Variants in FDCSP observed in about 807,000 individuals in gnomAD.
The protein encoded by FDCSP is follicular dendritic cell secreted peptide.
Under a neutral mutation model 8.9 loss-of-function variants are expected in FDCSP, and 8 were observed. The observed-to-expected ratio is 0.90, with a 90% CI of 0.53 to 1.63. The LOEUF is 1.63. Among genes scored for constraint, FDCSP ranks in the 40% most tolerant of loss-of-function variants. The probability of loss-of-function intolerance (pLI) is 0.00; values close to 1 mark genes in which losing one functional copy is unlikely to be tolerated. For synonymous variants in FDCSP, 34 were observed against 34.5 expected (o/e 0.98, Z 0.06); for missense variants, 101 against 103.6 (o/e 0.98, Z 0.11).
chr4:70,231,488 AT>A (rs1322041009), intron 2 of FDCSP, among the ~76,000 whole-genome samples: 60 of 151,476 alleles, frequency 4.0e-4, no homozygotes, highest in African/African-American at 1.1e-3. Flanking sequence ...ATAAAAAAAA[AT>A]ATATATATAA....
chr4:70,227,196 T>C (rs1730001078), intron 1 of FDCSP, among the ~76,000 whole-genome samples: 1 of 151,756 alleles, frequency 6.6e-6, no homozygotes, highest in African/African-American at 2.4e-5. Flanking sequence ...TATGTATATG[T>C]ATGTGTGTGT....
chr4:70,232,180 C>T (rs1024054267), intron 2 of FDCSP, among the ~76,000 whole-genome samples: 9 of 151,526 alleles, frequency 5.9e-5, no homozygotes, highest in Non-Finnish European at 1.2e-4. Context: ...CAGGAGTAAA[C>T]AGTAATGTCC....
At chr4:70,232,637 T>C (rs1730104878) in intron 2 of FDCSP, among the ~76,000 whole-genome samples, 1 of 151,626 alleles carries the variant, frequency 6.6e-6, no homozygotes, top group African/African-American at 2.4e-5. Flanking sequence ...TAAGGGTTTT[T>C]TTCTCCTTCA....
At chr4:70,232,726 C>A (rs1201021707) in intron 2 of FDCSP, among the ~76,000 whole-genome samples, 2 of 151,564 alleles carry the variant, frequency 1.3e-5, no homozygotes, top group African/African-American at 4.8e-5. Flanking sequence ...TTTATCATTA[C>A]AGTCCAGAAA....
intron 1 of FDCSP, among the ~76,000 whole-genome samples, chr4:70,228,468 A>G (rs1730024325): frequency 6.6e-6 from 1 of 151,868 alleles, no homozygotes; most frequent in African/African-American, 2.4e-5. Context: ...AACTTCTCCC[A>G]AACTCCTGTA....
chr4:70,233,717 A>G (rs1730126174), intron 3 of FDCSP, among the ~76,000 whole-genome samples: 1 of 151,660 alleles, frequency 6.6e-6, no homozygotes, highest in Non-Finnish European at 1.5e-5. Context: ...CATGAAGACA[A>G]AGGGAGAAAT....
chr4:70,233,139 G>A (rs758380681), intron 3 of FDCSP, 113 bp downstream of exon 3: 2 of 934,542 alleles, frequency 2.1e-6, no homozygotes, highest in Non-Finnish European at 3.2e-6. Context: ...GATTCATAAA[G>A]AGCTTTTGGT....
Position 70,234,216 on chromosome 4 carries a change from G to C in FDCSP, c.*28+1G>C. 6.3e-7 allele frequency: 1 copy of C among 1,590,798 alleles called. No individual in the cohort carries two copies. The highest frequency in any genetic ancestry group is 8.6e-7 in the Non-Finnish European group (1 of 1,166,012). On this transcript the variant is annotated splice_donor_variant, in intron 4 of 4. Transcript: ENST00000317987. LOFTEE classifies it low-confidence loss of function (3UTR_SPLICE). ...AGAAGGAAAAGTCACGATAAACCTG[G>C]TAAGTACACATAGTTACAATCATAG...
intron 2 of FDCSP, among the ~76,000 whole-genome samples, chr4:70,231,474 C>A (rs1293522181): frequency 6.6e-6 from 1 of 151,380 alleles, no homozygotes; most frequent in Non-Finnish European, 1.5e-5. Context: ...GCAATCCCCT[C>A]TCTATAAAAA....
chr4:70,233,105 T>C (rs1480056024), intron 3 of FDCSP, 79 bp downstream of exon 3: 6 of 1,268,042 alleles, frequency 4.7e-6, no homozygotes, highest in Non-Finnish European at 6.7e-6. Context: ...TATTGATTTA[T>C]CTAAACCTCC....
Position 70,228,850 on chromosome 4 carries a change from T to C in FDCSP, c.1-2345T>C, listed in dbSNP as rs141566374. ...TATTAGTAAACCATGCTGTGTTAGA[T>C]GTACTGCCATCCAGGCTTTGTTGTT... On this transcript the variant is annotated intron_variant, in intron 1 of 4. Coordinates refer to ENST00000317987, the MANE Select transcript of FDCSP (RefSeq NM_152997.4). Among the ~76,000 whole-genome samples, 877 of 151,918 alleles carry C rather than the reference T, an allele frequency of 5.8e-3. 10 individuals are homozygous for C. Among genetic ancestry groups the C allele is most frequent in the African/African-American group, 0.02 (825 of 41,510 alleles).
chr4:70,233,549 G>A (rs1730123055), intron 3 of FDCSP, among the ~76,000 whole-genome samples: 1 of 151,592 alleles, frequency 6.6e-6, no homozygotes, highest in Non-Finnish European at 1.5e-5. Context: ...CTGTTATCTG[G>A]AAAGCATGAT....
At position 70,234,281 on chromosome 4, in the gene FDCSP, GA is replaced by G. The variant is rs984437712; in HGVS notation, c.*28+75del. The G allele has an allele frequency of 6.1e-4, 805 of 1,317,382 alleles. 1 individual carries two copies. Among genetic ancestry groups the G allele is most frequent in the Middle Eastern group, 1.3e-3 (7 of 5,216 alleles). 81.6% of individuals were successfully genotyped at this position (1,317,382 alleles called of 1,614,324 possible). On this transcript the variant is annotated intron_variant, in intron 4 of 4. Coordinates refer to ENST00000317987, the MANE Select transcript of FDCSP (RefSeq NM_152997.4). ...GCAGATTGGAATCCATAATTTCAAG[GA>G]AAAAAAAATGTTAACTATGTCCCTA... is the stretch of plus-strand genomic sequence containing the variant.
At chr4:70,229,150 AC>A (rs1730038131) in intron 1 of FDCSP, among the ~76,000 whole-genome samples, 1 of 151,756 alleles carries the variant, frequency 6.6e-6, no homozygotes, top group Non-Finnish European at 1.5e-5. Flanking sequence ...TCTGGATAAC[AC>A]TGCAGCCTCT....
chr4:70,229,920 T>C (rs375933695), intron 1 of FDCSP, among the ~76,000 whole-genome samples: 10 of 151,736 alleles, frequency 6.6e-5, no homozygotes, highest in African/African-American at 2.2e-4. Context: ...ATTACCAAAA[T>C]ATGACACAGA....
At chr4:70,229,861 T>C (rs1730050843) in intron 1 of FDCSP, among the ~76,000 whole-genome samples, 3 of 151,910 alleles carry the variant, frequency 2.0e-5, no homozygotes, top group Non-Finnish European at 2.9e-5. Flanking sequence ...TAATGTCTTA[T>C]AGATATCAAA....
Position 70,234,174 on chromosome 4 carries a change from C to T in FDCSP, c.245C>T (p.Pro82Leu). 1.2e-6 allele frequency: 2 copies of T among 1,609,132 alleles called. No individual in the cohort carries two copies. The highest frequency in any genetic ancestry group is 1.7e-6 in the Non-Finnish European group (2 of 1,177,270). ...IPESAPTTPL[P>L]SEK ...GAATCTGCCCCTACAACTCCCCTTC[C>T]TAGCGAAAAGTAAACAAGAAGGAAA... is the stretch of plus-strand genomic sequence containing the variant. Residue 82 changes from proline to leucine, a missense_variant, in exon 4 of 5, where the codon CCT (proline) becomes CTT (leucine). Transcript: ENST00000317987.
rs1030871226 is a variant in FDCSP, at chr4:70,226,518, C to T, written c.-1+336C>T. Among the ~76,000 whole-genome samples the T allele has an allele frequency of 2.0e-5, 3 of 151,676 alleles. No individual in the cohort carries two copies. The Admixed American group carries it at 2.0e-4, about 10-fold the overall frequency. On this transcript the variant is annotated intron_variant, in intron 1 of 4. Transcript: ENST00000317987. ...CTCAGGTTTATTTTTAAATTTGTGG[C>T]CATCAGGTCAGCAAACAGAGGGAAT...
At chr4:70,227,640 A>AT (rs537327884) in intron 1 of FDCSP, among the ~76,000 whole-genome samples, 214 of 136,828 alleles carry the variant, frequency 1.6e-3, no homozygotes, top group African/African-American at 5.1e-3. Context: ...TAAAAGATCC[A>AT]TAAATCAGGG....
Sources: gnomAD v4.1 joint callset for allele counts (sites outside exome capture counted in the v4.1 genomes callset) on GRCh38, gnomAD v4.1.1 for gene constraint, MANE v1.5 for transcripts, NCBI Gene and HGNC (gene_info 2026-07-23, HGNC 2026-07-21) for gene names.